MYOM2: variants seen among roughly 807,000 people sequenced by gnomAD.
MYOM2 encodes myomesin-2.
A neutral mutation model predicts 187.6 loss-of-function variants in MYOM2; 254 were observed. The observed-to-expected ratio is 1.35, with a 90% CI of 1.22 to 1.50. MYOM2 has a LOEUF of 1.50. Among genes scored for constraint, MYOM2 ranks in the 40% most tolerant of loss-of-function variants. The pLI is 0.00. For missense variants in MYOM2, 2,796 were observed against 1,924.0 expected, an observed-to-expected ratio of 1.45 and a Z score of -8.48; for synonymous variants, 981 against 753.8, an observed-to-expected ratio of 1.30 and a Z score of -4.94.
intron 1 of MYOM2, among the ~76,000 whole-genome samples, chr8:2,045,671 G>C (rs1171517547): frequency 6.6e-6 from 1 of 152,228 alleles, no homozygotes; most frequent in Non-Finnish European, 1.5e-5. Context: ...AACAATCCTT[G>C]TCAGGACTTG....
intron 25 of MYOM2, among the ~76,000 whole-genome samples, chr8:2,113,821 C>T (rs1456569854): frequency 2.6e-5 from 4 of 152,212 alleles, no homozygotes; most frequent in Non-Finnish European, 5.9e-5. Flanking sequence ...TAAGCCCCCT[C>T]CAGCTGACTT....
At chr8:2,091,102 G>T (rs1296286065) in intron 15 of MYOM2, among the ~76,000 whole-genome samples, 1 of 136,052 alleles carries the variant, frequency 7.4e-6, no homozygotes, top group African/African-American at 2.7e-5. Context: ...CCCACCAACA[G>T]TGTTTAAGTG....
At position 2,096,356 on chromosome 8, in the gene MYOM2, C is replaced by G; in HGVS notation, c.2235C>G (p.Tyr745Ter). Reference protein sequence around the residue: ...KFSGGSPILGYYLDKREVHHK... With the variant: ...KFSGGSPILG ...GTGGTGGCTCGCCCATCCTGGGCTA[C>G]TACCTGGACAAGCGTGAAGTTCACC... is the stretch of plus-strand genomic sequence containing the variant. Residue 745 changes from tyrosine to a stop codon, truncating the protein, a stop_gained, in exon 18 of 37, where the codon TAC (tyrosine) becomes TAG (stop). Transcript: ENST00000262113. LOFTEE classifies it high-confidence loss of function. 6.2e-7 allele frequency: 1 copy of G among 1,614,226 alleles called. No individual in the cohort carries two copies. Among genetic ancestry groups the G allele is most frequent in the African/African-American group, 1.3e-5 (1 of 75,072 alleles).
chr8:2,116,527 G>C (rs1454541027), intron 27 of MYOM2, among the ~76,000 whole-genome samples: 1 of 152,176 alleles, frequency 6.6e-6, no homozygotes, highest in Non-Finnish European at 1.5e-5. Flanking sequence ...TAAAGAATGG[G>C]GGTAGAGGAG....
chr8:2,133,085 G>A (rs555510580), intron 32 of MYOM2, among the ~76,000 whole-genome samples: 27 of 152,268 alleles, frequency 1.8e-4, no homozygotes, highest in African/African-American at 6.5e-4. Flanking sequence ...GGTATGTGCA[G>A]TCCCCTCTCA....
intron 35 of MYOM2, among the ~76,000 whole-genome samples, chr8:2,142,711 T>G (rs1419037234): frequency 2.8e-4 from 2 of 7,208 alleles, no homozygotes; most frequent in Admixed American, 1.1e-3. Context: ...TCCCCTTCCC[T>G]CCCTCCCTCC....
chr8:2,092,280 A>G, intron 15 of MYOM2, 66 bp from the exon 16 acceptor site: 1 of 1,550,346 alleles, frequency 6.5e-7, no homozygotes, highest in East Asian at 2.3e-5. Flanking sequence ...AAGGGCCGGA[A>G]GATCTCTGCT....
intron 3 of MYOM2, among the ~76,000 whole-genome samples, chr8:2,052,694 C>T (rs190643043): frequency 6.6e-4 from 100 of 152,316 alleles, no homozygotes; most frequent in African/African-American, 2.3e-3. Context: ...GATAAGCACA[C>T]ATGAAAACAT....
intron 1 of MYOM2, among the ~76,000 whole-genome samples, chr8:2,046,629 G>A (rs1818319167): frequency 6.6e-6 from 1 of 152,216 alleles, no homozygotes; most frequent in Non-Finnish European, 1.5e-5. Context: ...AGGCCCCTGA[G>A]CTGAAGGTCA....
intron 18 of MYOM2, 124 bp from the exon 19 acceptor site, chr8:2,098,733 A>T: frequency 2.7e-6 from 3 of 1,131,308 alleles, no homozygotes; most frequent in Non-Finnish European, 3.6e-6. Context: ...ATTTGGTCCA[A>T]TTTCCCGACA....
chr8:2,094,090 C>T lies in MYOM2; in HGVS notation c.2124C>T (p.Leu708=), dbSNP rs750561569. ...ESDVIKVQAA[L]TVPSHPYGIT... Reference sequence around the variant, plus strand: ...ACGTCATAAAAGTGCAGGCCGCACTCAGTAAGTCACTCACAGGCTGTTGTG... The same window carrying T: ...ACGTCATAAAAGTGCAGGCCGCACTTAGTAAGTCACTCACAGGCTGTTGTG... Residue 708 remains leucine (L), a splice_region_variant and synonymous_variant, in exon 17 of 37, where the codon CTC becomes CTT. Coordinates refer to ENST00000262113, the MANE Select transcript of MYOM2 (RefSeq NM_003970.4). 6.2e-7 allele frequency: 1 copy of T among 1,613,962 alleles called. No individual in the cohort carries two copies. The highest frequency in any genetic ancestry group is 8.5e-7 in the Non-Finnish European group (1 of 1,180,006).
chr8:2,108,790 C>G lies in MYOM2; in HGVS notation c.3003C>G (p.Leu1001=), dbSNP rs761652238. The G allele has an allele frequency of 1.2e-6, 2 of 1,613,714 alleles. No individual in the cohort carries two copies. The highest frequency in any genetic ancestry group is 1.7e-5 in the Admixed American group (1 of 59,946). The change falls in exon 24 of 37, where the codon CTC becomes CTG. Residue 1001 remains leucine (L), a synonymous_variant. Coordinates refer to ENST00000262113, the MANE Select transcript of MYOM2 (RefSeq NM_003970.4). ...AATACTTTTTCTTCGTTTTAGAGCT[C>G]GAGCGTTTGATGGCATTGAGCAATG... ...SSSFVLDPEE[L]ERLMALSNEI... is the part of the protein sequence containing the mutation.
chr8:2,102,773 C>T lies in MYOM2; in HGVS notation c.2726C>T (p.Ala909Val), dbSNP rs539873539. Residue 909 changes from alanine to valine, a missense_variant, in exon 21 of 37, where the codon GCG becomes GTG. Ala to Val is a moderately conservative substitution (Grantham distance 64). Coordinates refer to ENST00000262113, the MANE Select transcript of MYOM2 (RefSeq NM_003970.4). ...SDTSEPVLVE[A>V]RPGTKEISAG... is the part of the protein sequence containing the mutation. ...ACGTCGGAGCCTGTGCTGGTAGAGG[C>T]GAGACCAGGTAAGGCTTACAACAAA... The T allele has an allele frequency of 3.7e-5, 60 of 1,612,854 alleles. No individual in the cohort carries two copies. The highest frequency in any genetic ancestry group is 8.0e-5 in the African/African-American group (6 of 75,006).
chr8:2,123,143 A>C, intron 28 of MYOM2, 109 bp from the exon 29 acceptor site: 2 of 683,734 alleles, frequency 2.9e-6, no homozygotes, highest in Non-Finnish European at 4.9e-6. Flanking sequence ...TATAGTAAAA[A>C]CTAAGGTTTT....
At chr8:2,080,499 G>C (rs1482030388) in intron 13 of MYOM2, among the ~76,000 whole-genome samples, 1 of 152,206 alleles carries the variant, frequency 6.6e-6, no homozygotes, top group Non-Finnish European at 1.5e-5. Context: ...AGACCGTTGA[G>C]AGTTCTGGTC....
At chr8:2,060,673 T>C (rs1393470122) in intron 6 of MYOM2, among the ~76,000 whole-genome samples, 6 of 152,092 alleles carry the variant, frequency 3.9e-5, no homozygotes, top group South Asian at 4.2e-4. Flanking sequence ...CTCAGGAGGG[T>C]GAACACAAAT....
At chr8:2,051,802 G>C (rs1663956815) in intron 2 of MYOM2, among the ~76,000 whole-genome samples, 1 of 152,226 alleles carries the variant, frequency 6.6e-6, no homozygotes, top group African/African-American at 2.4e-5. Flanking sequence ...AGGGACACAG[G>C]CTTGGGTTTG....
At chr8:2,049,158 C>G (rs936795401) in intron 1 of MYOM2, among the ~76,000 whole-genome samples, 1 of 152,206 alleles carries the variant, frequency 6.6e-6, no homozygotes, top group African/African-American at 2.4e-5. Context: ...TGCTGGTGCA[C>G]TCTAAAACAC....
In MYOM2 at chr8:2,098,967, G is replaced by C. The variant is rs1487240412; in HGVS notation, c.2424G>C (p.Trp808Cys). 1.2e-6 allele frequency: 2 copies of C among 1,609,972 alleles called. No homozygotes were observed. Among genetic ancestry groups the C allele is most frequent in the Non-Finnish European group, 1.7e-6 (2 of 1,177,398 alleles). The change falls in exon 19 of 37, where the codon TGG becomes TGC. Residue 808 changes from tryptophan (W) to cysteine (C), a missense_variant. Transcript: ENST00000262113. ...DPSEHFKCEA[W>C]TMPEPGPAYD... ...GTGAGCACTTCAAGTGTGAGGCCTGGACCATGCCGGAGCCCGGTGAGTCGC... is the reference window on the plus strand; with the variant it reads ...GTGAGCACTTCAAGTGTGAGGCCTGCACCATGCCGGAGCCCGGTGAGTCGC...
Sources: gnomAD v4.1 joint callset for allele counts (sites outside exome capture counted in the v4.1 genomes callset) on GRCh38, gnomAD v4.1.1 for gene constraint, MANE v1.5 for transcripts, NCBI Gene and HGNC (gene_info 2026-07-23, HGNC 2026-07-21) for gene names.